AKR7A2: variants seen among roughly 807,000 people sequenced by gnomAD.
The protein encoded by AKR7A2 is aflatoxin B1 aldehyde reductase member 2.
A neutral mutation model predicts 37.3 loss-of-function variants in AKR7A2; 29 were observed. The ratio of observed to expected loss-of-function variants is 0.78; its 90% CI spans 0.58 to 1.06. AKR7A2 has a LOEUF of 1.06. Among genes scored for constraint, AKR7A2 ranks in the 50% least tolerant of loss-of-function variants. The pLI is 0.00. For missense variants in AKR7A2, 529 were observed against 497.9 expected, an observed-to-expected ratio of 1.06 and a Z score of -0.59; for synonymous variants, 228 against 217.8, an observed-to-expected ratio of 1.05 and a Z score of -0.41.
chr1:19,311,337 T>A (rs1448009154), intron 1 of AKR7A2, among the ~76,000 whole-genome samples: 1 of 152,062 alleles, frequency 6.6e-6, no homozygotes, highest in East Asian at 1.9e-4. Flanking sequence ...ACACTCCTAC[T>A]CTCCCAGCCA....
intron 1 of AKR7A2, among the ~76,000 whole-genome samples, chr1:19,309,178 A>G (rs1022734556): frequency 6.6e-6 from 1 of 152,254 alleles, no homozygotes; most frequent in Admixed American, 6.5e-5. Flanking sequence ...CAAACCTTCA[A>G]GTCTAAGTTA....
At position 19,308,228 on chromosome 1, in the gene AKR7A2, G is replaced by A. The variant is rs1436649503; in HGVS notation, c.521C>T (p.Ala174Val). ...KFVELGLSNY[A>V]SWEVAEICTL... ...ACAGATCTCGGCCACTTCCCAGCTA[G>A]CATAGTTGGAGAGGCCAAGCTCCAC... The change falls in exon 3 of 7, where the codon GCT becomes GTT. Residue 174 changes from alanine to valine, a missense_variant. Coordinates refer to ENST00000235835, the MANE Select transcript of AKR7A2 (RefSeq NM_003689.4). 6.2e-7 allele frequency: 1 copy of A among 1,613,514 alleles called. No homozygotes were observed. The highest frequency in any genetic ancestry group is 8.5e-7 in the Non-Finnish European group (1 of 1,179,818).
rs859210 is a variant in AKR7A2, at chr1:19,308,211, C to T, written c.538G>A (p.Glu180Lys). ...LSNYASWEVA[E>K]ICTLCKSNGW... ...TTGCTCTTGCAGAGGGTACAGATCTCGGCCACTTCCCAGCTAGCATAGTTG... is the reference window on the plus strand; with the variant it reads ...TTGCTCTTGCAGAGGGTACAGATCTTGGCCACTTCCCAGCTAGCATAGTTG... The change falls in exon 3 of 7, where the codon GAG (glutamate) becomes AAG (lysine). Residue 180 changes from glutamate to lysine, a missense_variant. By Grantham distance (56) the Glu-to-Lys change is moderately conservative (BLOSUM62 1). Transcript: ENST00000235835. 3,411 of 1,614,086 alleles carry T rather than the reference C, an allele frequency of 2.1e-3. 64 individuals carry two copies. The African/African-American group carries it at 0.041, about 19-fold the overall frequency.
At chr1:19,310,822 A>G (rs1191683173) in intron 1 of AKR7A2, among the ~76,000 whole-genome samples, 6 of 151,598 alleles carry the variant, frequency 4.0e-5, no homozygotes, top group Non-Finnish European at 2.9e-5. Context: ...AGGGGTGGGG[A>G]GCAACAGCCT....
chr1:19,304,248 C>T lies in AKR7A2; in HGVS notation c.1057G>A (p.Glu353Lys), dbSNP rs2093757144. The change falls in exon 7 of 7, where the codon GAA becomes AAA. Residue 353 changes from glutamate (E) to lysine (K), a missense_variant. Coordinates refer to ENST00000235835, the MANE Select transcript of AKR7A2 (RefSeq NM_003689.4). The stretch of plus-strand genomic sequence containing the variant: ...GCCTAGCGGAAGTAGTTGGGACATT[C>T]GTGAGCAACCAAATGCCAGGCTTGA... ...FNQAWHLVAH[E>K]CPNYFR 7 of 1,614,048 alleles carry T rather than the reference C, an allele frequency of 4.3e-6. No homozygotes were observed. The Middle Eastern group carries it at 4.9e-4, about 114-fold the overall frequency.
intron 6 of AKR7A2, among the ~76,000 whole-genome samples, chr1:19,305,517 T>C (rs2093760055): frequency 6.6e-6 from 1 of 152,154 alleles, no homozygotes; most frequent in South Asian, 2.1e-4. Flanking sequence ...GTTTTTGATT[T>C]GTTGTAGAGA....
At chr1:19,309,822 C>T (rs1184412981) in intron 1 of AKR7A2, among the ~76,000 whole-genome samples, 1 of 152,150 alleles carries the variant, frequency 6.6e-6, no homozygotes, top group African/African-American at 2.4e-5. Flanking sequence ...CGCCTGTAAT[C>T]CCAGCACTTT....
chr1:19,311,743 G>C (rs1464786867), intron 1 of AKR7A2, 84 bp downstream of exon 1: 14 of 1,563,370 alleles, frequency 9.0e-6, no homozygotes, highest in Non-Finnish European at 1.1e-5. Context: ...TGCTGCCCGC[G>C]GCCGGGCCCG....
rs982784927 is a variant in AKR7A2, at chr1:19,312,078, C to G, written c.47G>C (p.Cys16Ser). The G allele has an allele frequency of 7.4e-7, 1 of 1,346,980 alleles. No individual in the cohort carries two copies. The highest frequency in any genetic ancestry group is 9.4e-7 in the Non-Finnish European group (1 of 1,059,004). The allele number at this position is 1,346,980 out of a possible 1,614,324, so 83.4% of individuals were successfully genotyped here. ...CTCGGGCGGCGGAGAGCGAAGCGCGCAGTGGACGGCGGCGCGGGAGACTAC... is the reference window on the plus strand; with the variant it reads ...CTCGGGCGGCGGAGAGCGAAGCGCGGAGTGGACGGCGGCGCGGGAGACTAC... ...SRVVSRAAVH[C>S]ALRSPPPEAR... Residue 16 changes from cysteine (C) to serine (S), a missense_variant, in exon 1 of 7, where the codon TGC (cysteine) becomes TCC (serine). Physicochemically the swap from Cys to Ser is moderately radical, Grantham distance 112 (BLOSUM62 -1). Coordinates refer to ENST00000235835, the MANE Select transcript of AKR7A2 (RefSeq NM_003689.4).
rs1205311456 is a variant in AKR7A2 at position 19,311,497 on chromosome 1, A to AGG, written c.298+328_298+329dup. On this transcript the variant is annotated intron_variant, in intron 1 of 6. Coordinates refer to ENST00000235835, the MANE Select transcript of AKR7A2 (RefSeq NM_003689.4). Reference sequence around the variant, plus strand: ...TGATGGTAACGAAGGGGTAGAGAAAAGGGGGAGAGCCTGGGTGGGGACCGG... The same window carrying AGG: ...TGATGGTAACGAAGGGGTAGAGAAAAGGGGGGGAGAGCCTGGGTGGGGACCGG... Among the ~76,000 whole-genome samples the AGG allele has an allele frequency of 2.6e-5, 4 of 151,984 alleles. No individual in the cohort carries two copies. The East Asian group carries it at 7.7e-4, about 29-fold the overall frequency.
In AKR7A2 at chr1:19,312,056, G is replaced by C. The variant is rs1225227314; in HGVS notation, c.69C>G (p.Pro23=). 2 of 1,368,426 alleles carry C rather than the reference G, an allele frequency of 1.5e-6. No individual in the cohort carries two copies. Among genetic ancestry groups the C allele is most frequent in the African/African-American group, 1.5e-5 (1 of 65,360 alleles). The allele number at this position is 1,368,426 out of a possible 1,614,324, so 84.8% of individuals were successfully genotyped here. A position where few individuals can be genotyped will look rare whatever the true frequency, so the allele number is the denominator to read the frequency against. ...GGGACATGGCGAGCGCGCGGGCCTC[G>C]GGCGGCGGAGAGCGAAGCGCGCAGT... ...AVHCALRSPP[P]EARALAMSRP... is the part of the protein sequence containing the mutation. The change falls in exon 1 of 7, where the codon CCC becomes CCG. Residue 23 remains proline (P), a synonymous_variant. Transcript: ENST00000235835.
At chr1:19,303,581 G>A (rs1292127809), downstream of AKR7A2, among the ~76,000 whole-genome samples, 1 of 152,216 alleles carries the variant, frequency 6.6e-6, no homozygotes, top group Non-Finnish European at 1.5e-5. Context: ...CTTTAGTTAA[G>A]ACAAGAGGAG....
chr1:19,306,976 C>T (rs2093762637), intron 5 of AKR7A2, 26 bp downstream of exon 5: 1 of 1,606,880 alleles, frequency 6.2e-7, no homozygotes, highest in African/African-American at 1.3e-5. Context: ...CCCCAGCCAT[C>T]CTCACCAAGC....
intron 1 of AKR7A2, among the ~76,000 whole-genome samples, chr1:19,309,028 C>A (rs1454629390): frequency 2.6e-5 from 4 of 152,138 alleles, no homozygotes; most frequent in Non-Finnish European, 4.4e-5. Context: ...ATGCATGAAG[C>A]CAACTTGGAG....
intron 4 of AKR7A2, 93 bp from the exon 5 acceptor site, chr1:19,307,194 C>T (rs906350999): frequency 1.4e-5 from 22 of 1,593,376 alleles, no homozygotes; most frequent in Non-Finnish European, 1.8e-5. Context: ...GGCAGGGACC[C>T]AGGAGGGGCT....
chr1:19,311,738 C>T, intron 1 of AKR7A2, 89 bp downstream of exon 1: 2 of 1,551,786 alleles, frequency 1.3e-6, no homozygotes, highest in Non-Finnish European at 1.8e-6. Flanking sequence ...GTCGGTGCTG[C>T]CCGCGGCCGG....
chr1:19,304,415 C>T (rs545292734), intron 6 of AKR7A2, 29 bp from the exon 7 acceptor site: 2 of 1,613,916 alleles, frequency 1.2e-6, no homozygotes, highest in Admixed American at 1.7e-5. Context: ...GACTTCAACC[C>T]TCTTCTGCTG....
At chr1:19,311,730 C>T in intron 1 of AKR7A2, 97 bp downstream of exon 1, 2 of 1,501,298 alleles carry the variant, frequency 1.3e-6, no homozygotes. Context: ...ACGAATCCGT[C>T]GGTGCTGCCC....
At chr1:19,307,559 T>C in intron 3 of AKR7A2, 149 bp from the exon 4 acceptor site, 2 of 880,572 alleles carry the variant, frequency 2.3e-6, no homozygotes, top group Non-Finnish European at 3.6e-6. Flanking sequence ...AGGGAAGGTG[T>C]TGGGCCCAAG....
Sources: gnomAD v4.1 joint callset for allele counts (sites outside exome capture counted in the v4.1 genomes callset) on GRCh38, gnomAD v4.1.1 for gene constraint, MANE v1.5 for transcripts, NCBI Gene and HGNC (gene_info 2026-07-23, HGNC 2026-07-21) for gene names.